The following NRXN3 variants were observed in gnomAD, a reference collection of about 807,000 sequenced individuals.
NRXN3 encodes neurexin 3, also known as neurexin III.
NRXN3 carries 32 observed loss-of-function variants against 137.6 expected under a neutral mutation model. The observed-to-expected ratio is 0.23, with a 90% CI of 0.18 to 0.31. The LOEUF (loss-of-function observed/expected upper bound fraction) is 0.31, where lower values mean the gene tolerates loss of function less well. Ranked by LOEUF, NRXN3 falls within the 10% of genes least tolerant of loss-of-function variation. The pLI is 1.00. For synonymous variants in NRXN3, 798 were observed against 784.5 expected (o/e 1.02, Z -0.29); for missense variants, 1,574 against 2,062.5 (o/e 0.76, Z 4.59).
chr14:78,649,167 G>A (rs1601861934), intron 5 of NRXN3: 1 of 737,600 alleles, frequency 1.4e-6, no homozygotes, highest in African/African-American at 1.9e-5. Context: ...ACCGACTAAT[G>A]TACTAACACC....
At chr14:79,298,419 C>G (rs2153220959) in intron 15 of NRXN3, among the ~76,000 whole-genome samples, 1 of 152,182 alleles carries the variant, frequency 6.6e-6, no homozygotes, top group South Asian at 2.1e-4. Context: ...CTTCTAGCTA[C>G]AGAAGGCCAG....
chr14:78,485,951 A>G (rs539513017), intron 4 of NRXN3, among the ~76,000 whole-genome samples: 2 of 152,330 alleles, frequency 1.3e-5, no homozygotes, highest in East Asian at 3.9e-4. Context: ...GTTTGATGAC[A>G]GCTTATATCT....
At chr14:78,741,510 A>T (rs1310116956) in intron 8 of NRXN3, among the ~76,000 whole-genome samples, 1 of 152,078 alleles carries the variant, frequency 6.6e-6, no homozygotes, top group Non-Finnish European at 1.5e-5. Flanking sequence ...GTTTTGAATC[A>T]CTTTATTGAG....
chr14:78,380,790 GTTT>G (rs55664650), intron 4 of NRXN3, among the ~76,000 whole-genome samples: 99 of 145,600 alleles, frequency 6.8e-4, no homozygotes, highest in Middle Eastern at 7.1e-3. Context: ...ATCTTATCAA[GTTT>G]TTTTTTTTTT....
rs144486858 is a variant in NRXN3, at chr14:78,777,202, T to C, written c.2045-26418T>C. On this transcript the variant is annotated intron_variant, in intron 8 of 20. Coordinates refer to ENST00000335750, the MANE Select transcript of NRXN3 (RefSeq NM_001330195.2). ...CCATCCTTCCATATCAGAGTCTCCATAGAGCCTTACTTACTTTCACTGCAG... is the reference window on the plus strand; with the variant it reads ...CCATCCTTCCATATCAGAGTCTCCACAGAGCCTTACTTACTTTCACTGCAG... Among the ~76,000 whole-genome samples the C allele has an allele frequency of 1.7e-3, 261 of 152,326 alleles. 7 individuals carry two copies. The East Asian group carries it at 0.042, about 24-fold the overall frequency.
intron 15 of NRXN3, among the ~76,000 whole-genome samples, chr14:79,376,192 G>A (rs1284960050): frequency 1.2e-5 from 1 of 85,408 alleles, no homozygotes; most frequent in Non-Finnish European, 2.3e-5. Context: ...ATATATACAT[G>A]TGGGTGTGTG....
intron 8 of NRXN3, among the ~76,000 whole-genome samples, chr14:78,718,842 G>T (rs1235444597): frequency 6.6e-6 from 1 of 152,182 alleles, no homozygotes; most frequent in Non-Finnish European, 1.5e-5. Flanking sequence ...AACAGCAAAG[G>T]CCTGTTTTAA....
chr14:78,826,844 A>G (rs2098968082), intron 10 of NRXN3, among the ~76,000 whole-genome samples: 1 of 152,184 alleles, frequency 6.6e-6, no homozygotes, highest in African/African-American at 2.4e-5. Flanking sequence ...CCTATGAACT[A>G]TGTTTTCCGT....
intron 10 of NRXN3, among the ~76,000 whole-genome samples, chr14:78,820,764 C>G (rs1309923889): frequency 6.6e-6 from 1 of 152,076 alleles, no homozygotes; most frequent in Non-Finnish European, 1.5e-5. Flanking sequence ...TCTAAGTGTC[C>G]TTCCTAAATG....
intron 10 of NRXN3, among the ~76,000 whole-genome samples, chr14:78,881,508 T>C (rs1412939728): frequency 6.6e-6 from 1 of 151,610 alleles, no homozygotes; most frequent in Non-Finnish European, 1.5e-5. Flanking sequence ...AAGGTGACTC[T>C]TGCTATGCTC....
intron 15 of NRXN3, among the ~76,000 whole-genome samples, chr14:79,408,393 G>A (rs965181647): frequency 3.3e-5 from 5 of 152,038 alleles, no homozygotes; most frequent in East Asian, 1.9e-4. Flanking sequence ...GAAGGATAAC[G>A]TCACTACAGT....
chr14:78,768,427 T>C (rs1252969862), intron 8 of NRXN3, among the ~76,000 whole-genome samples: 3 of 152,182 alleles, frequency 2.0e-5, no homozygotes, highest in Admixed American at 1.3e-4. Context: ...CTAAGACTTA[T>C]TTGTTTTAAT....
At chr14:78,536,968 G>A (rs1219515436) in intron 4 of NRXN3, among the ~76,000 whole-genome samples, 1 of 152,126 alleles carries the variant, frequency 6.6e-6, no homozygotes, top group African/African-American at 2.4e-5. Context: ...AGTATTCCAT[G>A]GTGTATATGT....
At chr14:78,656,278 C>T (rs1298480537) in intron 6 of NRXN3, among the ~76,000 whole-genome samples, 2 of 152,086 alleles carry the variant, frequency 1.3e-5, no homozygotes, top group Admixed American at 6.6e-5. Flanking sequence ...TTCTTAGTTA[C>T]AATGTGGCTG....
At chr14:78,533,616 TTTCTCATGTTTGCGGTTTGTGGGAGCC>T (rs1252839135) in intron 4 of NRXN3, among the ~76,000 whole-genome samples, 2 of 152,192 alleles carry the variant, frequency 1.3e-5, no homozygotes, top group Non-Finnish European at 2.9e-5. Flanking sequence ...TGATACGCTG[TTTCTCATGTTTGCGGTTTGTGGGAGCC>T]TTCCCCTTTG....
intron 10 of NRXN3, among the ~76,000 whole-genome samples, chr14:78,941,637 G>GCAT (rs2099353180): frequency 6.6e-6 from 1 of 152,152 alleles, no homozygotes; most frequent in African/African-American, 2.4e-5. Context: ...GCTTGGCTTT[G>GCAT]CATCTACTTA....
chr14:79,510,597 A>G (rs2096923231), intron 16 of NRXN3, among the ~76,000 whole-genome samples: 1 of 152,142 alleles, frequency 6.6e-6, no homozygotes, highest in Non-Finnish European at 1.5e-5. Flanking sequence ...AGAGAAATAA[A>G]CGAAGTGATT....
At position 78,235,036 on chromosome 14, in the gene NRXN3, ATGTG is replaced by A. The variant is rs56692474; in HGVS notation, c.-703-7337_-703-7334del. Reference sequence around the variant, plus strand: ...TATATATATATATGTGTATATATATATGTGTGTGTGTGTGTGTGTGTCTTTTTGT... The same window carrying A: ...TATATATATATATGTGTATATATATATGTGTGTGTGTGTGTGTCTTTTTGT... On this transcript the variant is annotated intron_variant, in intron 1 of 20. Coordinates refer to ENST00000335750, the MANE Select transcript of NRXN3 (RefSeq NM_001330195.2). Among the ~76,000 whole-genome samples, 101 of 132,686 alleles carry A rather than the reference ATGTG, an allele frequency of 7.6e-4. 3 individuals are homozygous for A. Among genetic ancestry groups the A allele is most frequent in the African/African-American group, 2.3e-3 (82 of 35,738 alleles). The allele number at this position is 132,686 out of a possible 152,430, so 87.0% of individuals were successfully genotyped here.
chr14:79,680,447 GTGTGTGTGTGTGTA>G (rs1008788685), intron 17 of NRXN3, among the ~76,000 whole-genome samples: 29 of 151,914 alleles, frequency 1.9e-4, no homozygotes, highest in South Asian at 6.2e-4. Flanking sequence ...GACTGTTTGT[GTGTGTGTGTGTGTA>G]TGTGTGTGTG....
Sources: gnomAD v4.1 joint callset for allele counts (sites outside exome capture counted in the v4.1 genomes callset) on GRCh38, gnomAD v4.1.1 for gene constraint, MANE v1.5 for transcripts, NCBI Gene and HGNC (gene_info 2026-07-23, HGNC 2026-07-21) for gene names.